CAV1: variants seen among roughly 807,000 people sequenced by gnomAD.
The protein encoded by CAV1 is caveolin 1, also known as caveolin-1.
CAV1 carries 10 observed loss-of-function variants against 16.5 expected under a neutral mutation model. The observed-to-expected ratio is 0.61, with a 90% CI of 0.37 to 1.03. CAV1 has a LOEUF of 1.03. CAV1 is among the 50% of genes least tolerant of loss of function. The pLI is 0.01. For missense variants in CAV1, 212 were observed against 232.8 expected (o/e 0.91, Z 0.58); for synonymous variants, 76 against 85.1 (o/e 0.89, Z 0.59).
At position 116,559,108 on chromosome 7, in the gene CAV1, G is replaced by C. The variant is rs369262127; in HGVS notation, c.358G>C (p.Ala120Pro). The change falls in exon 3 of 3, where the codon GCC (alanine) becomes CCC (proline). Residue 120 changes from alanine to proline, a missense_variant. Ala to Pro is a conservative substitution (Grantham distance 27). Transcript: ENST00000341049. ...PMALIWGIYF[A>P]ILSFLHIWAV... ...GGCACTCATCTGGGGCATTTACTTC[G>C]CCATTCTCTCTTTCCTGCACATCTG... 6.2e-7 allele frequency: 1 copy of C among 1,613,802 alleles called. No individual in the cohort carries two copies. Among genetic ancestry groups the C allele is most frequent in the South Asian group, 1.1e-5 (1 of 91,072 alleles).
intron 2 of CAV1, among the ~76,000 whole-genome samples, chr7:116,545,922 G>A (rs965293230): frequency 6.6e-5 from 10 of 152,192 alleles, no homozygotes; most frequent in Non-Finnish European, 8.8e-5. Context: ...ATGAATCCCT[G>A]TAATTGCATG....
At chr7:116,555,517 AAAGAGAGAGAGAGAGAGAGAGAGAGAG>A (rs1562838158) in intron 2 of CAV1, among the ~76,000 whole-genome samples, 199 of 11,246 alleles carry the variant, frequency 0.018, 32 homozygotes, top group East Asian at 0.044. Flanking sequence ...AGAAAGAAAG[AAAGAGAGAGAGAGAGAGAGAGAGAGAG>A]AAAGAAAGAA....
intron 2 of CAV1, among the ~76,000 whole-genome samples, chr7:116,545,187 T>C (rs1412045705): frequency 6.6e-6 from 1 of 152,208 alleles, no homozygotes; most frequent in East Asian, 1.9e-4. Context: ...TGTCTGGAGA[T>C]AGTTTTAGTT....
intron 2 of CAV1, among the ~76,000 whole-genome samples, chr7:116,537,566 G>A (rs1385420197): frequency 6.6e-6 from 1 of 152,220 alleles, no homozygotes; most frequent in Non-Finnish European, 1.5e-5. Flanking sequence ...AACCCAGGTA[G>A]TGAAACTCCA....
intron 2 of CAV1, among the ~76,000 whole-genome samples, chr7:116,558,602 G>T (rs1234097737): frequency 6.7e-6 from 1 of 150,060 alleles, no homozygotes; most frequent in Non-Finnish European, 1.5e-5. Flanking sequence ...AAAAAAAAAG[G>T]ATTAGCCAAG....
At chr7:116,527,446 T>G (rs74835800) in intron 2 of CAV1, among the ~76,000 whole-genome samples, 4,396 of 152,290 alleles carry the variant, frequency 0.029, 211 homozygotes, top group African/African-American at 0.1. Context: ...TTGGAGTTCC[T>G]TTTCATACTT....
chr7:116,556,715 A>G (rs1400862696), intron 2 of CAV1, among the ~76,000 whole-genome samples: 1 of 152,124 alleles, frequency 6.6e-6, no homozygotes, highest in Non-Finnish European at 1.5e-5. Flanking sequence ...CTCCCGGTAA[A>G]TTGCTTCCTA....
At chr7:116,528,823 T>A (rs1406030787) in intron 2 of CAV1, among the ~76,000 whole-genome samples, 1 of 151,784 alleles carries the variant, frequency 6.6e-6, no homozygotes. Context: ...ATTTTTATTT[T>A]TATTTATTTA....
rs546324216 is a variant in CAV1 at position 116,531,575 on chromosome 7, G to A, written c.195+4886G>A. Among the ~76,000 whole-genome samples the A allele has an allele frequency of 2.0e-5, 3 of 152,196 alleles. No homozygotes were observed. In the South Asian group the frequency reaches 6.2e-4, roughly 32 times the overall value. ...TTTATTTGATATACATCTAATCAAA[G>A]CATAAGATTTATTTTTATTATTATT... On this transcript the variant is annotated intron_variant, in intron 2 of 2. Coordinates refer to ENST00000341049, the MANE Select transcript of CAV1 (RefSeq NM_001753.5).
chr7:116,540,867 T>C (rs1361977922), intron 2 of CAV1, among the ~76,000 whole-genome samples: 3 of 152,174 alleles, frequency 2.0e-5, no homozygotes. Context: ...GAGCCTGTGA[T>C]GTGGAAAACC....
At chr7:116,553,799 T>A (rs1794210645) in intron 2 of CAV1, among the ~76,000 whole-genome samples, 1 of 152,186 alleles carries the variant, frequency 6.6e-6, no homozygotes, top group African/African-American at 2.4e-5. Flanking sequence ...TAAATCAAAC[T>A]GATGCTAAAC....
At chr7:116,548,403 G>GGCCAGAAGAGA (rs1330968172) in intron 2 of CAV1, among the ~76,000 whole-genome samples, 3 of 152,222 alleles carry the variant, frequency 2.0e-5, no homozygotes, top group African/African-American at 7.2e-5. Context: ...AAGAGAGTTA[G>GGCCAGAAGAGA]GTTGCTGAGG....
At chr7:116,535,805 G>A (rs1793799112) in intron 2 of CAV1, among the ~76,000 whole-genome samples, 1 of 152,106 alleles carries the variant, frequency 6.6e-6, no homozygotes, top group Non-Finnish European at 1.5e-5. Flanking sequence ...TTCATGGCAG[G>A]GGAAGTACAT....
chr7:116,544,325 C>G (rs1177546986), intron 2 of CAV1, among the ~76,000 whole-genome samples: 1 of 152,144 alleles, frequency 6.6e-6, no homozygotes, highest in African/African-American at 2.4e-5. Context: ...TTCTTGTAAA[C>G]AGGAGAAAGA....
intron 2 of CAV1, among the ~76,000 whole-genome samples, chr7:116,529,156 A>T (rs1359847999): frequency 6.6e-6 from 1 of 152,206 alleles, no homozygotes; most frequent in Non-Finnish European, 1.5e-5. Context: ...TAAAAAAATC[A>T]TGACAATAAT....
chr7:116,531,542 AATT>A (rs1455874328), intron 2 of CAV1, among the ~76,000 whole-genome samples: 1 of 152,202 alleles, frequency 6.6e-6, no homozygotes, highest in African/African-American at 2.4e-5. Flanking sequence ...TCATTTATAA[AATT>A]ATTATTTATT....
At chr7:116,544,073 C>T (rs1274978327) in intron 2 of CAV1, among the ~76,000 whole-genome samples, 1 of 152,182 alleles carries the variant, frequency 6.6e-6, no homozygotes, top group Non-Finnish European at 1.5e-5. Context: ...ACCACCTAAA[C>T]ATTCTTAAGG....
Position 116,559,997 on chromosome 7 carries a change from G to A in CAV1, c.*710G>A, listed in dbSNP as rs766860458. 7 of 396,446 alleles carry A rather than the reference G, an allele frequency of 1.8e-5. No homozygotes were observed. The highest frequency in any genetic ancestry group is 1.4e-4 in the South Asian group (1 of 7,004). 24.6% of individuals were successfully genotyped at this position (396,446 alleles called of 1,614,324 possible). A position where few individuals can be genotyped will look rare whatever the true frequency, so the allele number is the denominator to read the frequency against. ...CAAATAGGGTCTAACTCAGCAACTC[G>A]CTTTAGGTCAGCAGCCTCCCTGAAG... On this transcript the variant is annotated 3_prime_UTR_variant, in exon 3 of 3. Transcript: ENST00000341049.
chr7:116,536,707 G>GA (rs1230691535), intron 2 of CAV1, among the ~76,000 whole-genome samples: 2 of 152,162 alleles, frequency 1.3e-5, no homozygotes, highest in Admixed American at 1.3e-4. Flanking sequence ...TTTTAGGCCA[G>GA]AAAAAAGCCA....
Sources: allele counts gnomAD v4.1 joint callset (sites outside exome capture counted in the v4.1 genomes callset), GRCh38; gene constraint gnomAD v4.1.1; transcripts MANE v1.5; gene names NCBI Gene and HGNC (gene_info 2026-07-23, HGNC 2026-07-21).